GPD2: variants seen among roughly 807,000 people sequenced by gnomAD.
GPD2 encodes glycerol-3-phosphate dehydrogenase, mitochondrial.
GPD2 carries 54 observed loss-of-function variants against 82.4 expected under a neutral mutation model. The observed-to-expected ratio is 0.66, with a 90% CI of 0.53 to 0.82. The LOEUF (loss-of-function observed/expected upper bound fraction) is 0.82, where lower values mean the gene tolerates loss of function less well. GPD2 is among the 40% of genes least tolerant of loss of function. GPD2 has a pLI of 0.00. For synonymous variants in GPD2, 288 were observed against 306.1 expected, an observed-to-expected ratio of 0.94 and a Z score of 0.62; for missense variants, 748 against 896.2, an observed-to-expected ratio of 0.83 and a Z score of 2.11.
chr2:156,522,096 G>A (rs973846889), intron 6 of GPD2, among the ~76,000 whole-genome samples: 4 of 151,934 alleles, frequency 2.6e-5, no homozygotes, highest in African/African-American at 9.7e-5. Flanking sequence ...AGGAAACCTT[G>A]AATAAATAGG....
the GPD2 span, among the ~76,000 whole-genome samples, chr2:156,417,340 AC>A: frequency 6.6e-6 from 1 of 152,190 alleles, no homozygotes; most frequent in Non-Finnish European, 1.5e-5. Flanking sequence ...CTGAAATGTT[AC>A]CAAATTTTAT....
chr2:156,438,673 T>C (rs951167490), intron 1 of GPD2, among the ~76,000 whole-genome samples: 1 of 152,242 alleles, frequency 6.6e-6, no homozygotes, highest in Non-Finnish European at 1.5e-5. Flanking sequence ...CTCATGGGGC[T>C]ATCCTAAGTG....
At chr2:156,540,642 G>T (rs13399570) in intron 6 of GPD2, among the ~76,000 whole-genome samples, 2 of 152,156 alleles carry the variant, frequency 1.3e-5, no homozygotes, top group Non-Finnish European at 2.9e-5. Context: ...TCTGTGGTTT[G>T]TAAGAGAAAA....
intron 2 of GPD2, among the ~76,000 whole-genome samples, chr2:156,493,197 A>T (rs1453466391): frequency 6.6e-6 from 1 of 152,064 alleles, no homozygotes; most frequent in Non-Finnish European, 1.5e-5. Flanking sequence ...AAGAGGCTGG[A>T]GAGAGAGAGA....
intron 6 of GPD2, among the ~76,000 whole-genome samples, chr2:156,514,068 T>G (rs964975619): frequency 7.2e-5 from 11 of 152,332 alleles, no homozygotes; most frequent in Non-Finnish European, 1.0e-4. Flanking sequence ...TTTATTGTTG[T>G]TAGATGTTTT....
At chr2:156,546,478 T>C (rs960007922) in intron 6 of GPD2, among the ~76,000 whole-genome samples, 1 of 152,132 alleles carries the variant, frequency 6.6e-6, no homozygotes, top group African/African-American at 2.4e-5. Context: ...AGGAAGCATA[T>C]ACTGTGAGCA....
At chr2:156,452,046 C>T (rs899985153) in intron 1 of GPD2, among the ~76,000 whole-genome samples, 1 of 151,750 alleles carries the variant, frequency 6.6e-6, no homozygotes, top group Non-Finnish European at 1.5e-5. Context: ...GGCGGCCGGG[C>T]AGAGACGCTC....
At chr2:156,448,709 C>A (rs746220468) in intron 1 of GPD2, among the ~76,000 whole-genome samples, 1 of 152,176 alleles carries the variant, frequency 6.6e-6, no homozygotes, top group Non-Finnish European at 1.5e-5. Flanking sequence ...AATAGTAATC[C>A]TGATTTGACA....
At chr2:156,552,712 A>C (rs1189039758) in intron 8 of GPD2, among the ~76,000 whole-genome samples, 1 of 152,058 alleles carries the variant, frequency 6.6e-6, no homozygotes, top group Non-Finnish European at 1.5e-5. Context: ...TATTTTGTGA[A>C]CCTTAGTTTT....
At chr2:156,509,758 T>C (rs2105267129) in intron 3 of GPD2, among the ~76,000 whole-genome samples, 1 of 132,742 alleles carries the variant, frequency 7.5e-6, no homozygotes. Flanking sequence ...ATCAAGAATA[T>C]GTTCTTCTTT....
intron 6 of GPD2, among the ~76,000 whole-genome samples, chr2:156,525,805 G>T (rs1189795618): frequency 6.6e-6 from 1 of 151,968 alleles, no homozygotes; most frequent in Admixed American, 6.6e-5. Flanking sequence ...TTTAAACTGT[G>T]CTTCTGTTTT....
intron 2 of GPD2, among the ~76,000 whole-genome samples, chr2:156,482,769 A>G (rs1683778571): frequency 6.6e-6 from 1 of 152,156 alleles, no homozygotes; most frequent in Non-Finnish European, 1.5e-5. Context: ...GGCTTAGGAA[A>G]TACTATAGTT....
rs1235106139 is a variant in GPD2, at chr2:156,584,743, G to A, written c.*1825G>A. On this transcript the variant is annotated 3_prime_UTR_variant, in exon 17 of 17. Coordinates refer to ENST00000438166, the MANE Select transcript of GPD2 (RefSeq NM_000408.5). ...GAAGCTTGTGGCTTTACAACTTAGT[G>A]TTTTTTGCTATCCAGATAACAAGTT... The A allele has an allele frequency of 2.0e-5, 3 of 152,298 alleles. No homozygotes were observed. Among genetic ancestry groups the A allele is most frequent in the African/African-American group, 7.2e-5 (3 of 41,380 alleles). 9.4% of individuals were successfully genotyped at this position (152,298 alleles called of 1,614,324 possible).
intron 3 of GPD2, among the ~76,000 whole-genome samples, chr2:156,508,773 C>G (rs1684876702): frequency 6.6e-6 from 1 of 152,162 alleles, no homozygotes; most frequent in Non-Finnish European, 1.5e-5. Context: ...CTGTGTTGGA[C>G]TTACTAAGAA....
chr2:156,556,716 C>T lies in GPD2; in HGVS notation c.972-673C>T, dbSNP rs560417167. Among the ~76,000 whole-genome samples, 12 of 152,228 alleles carry T rather than the reference C, an allele frequency of 7.9e-5. No individual in the cohort carries two copies. In the East Asian group the frequency reaches 1.5e-3, roughly 20 times the overall value. ...GTGTTCCTCTCCTGTTTGACCTTAT[C>T]CTAGGACATTACTATTTAGGGAGTA... On this transcript the variant is annotated intron_variant, in intron 8 of 16. Transcript: ENST00000438166.
At chr2:156,563,445 A>G (rs1347419122) in intron 9 of GPD2, among the ~76,000 whole-genome samples, 1 of 152,162 alleles carries the variant, frequency 6.6e-6, no homozygotes, top group Non-Finnish European at 1.5e-5. Flanking sequence ...ATGTTATACC[A>G]TGGACAGTTA....
At chr2:156,439,849 AAAAT>A (rs59142687) in intron 1 of GPD2, among the ~76,000 whole-genome samples, 16 of 147,544 alleles carry the variant, frequency 1.1e-4, no homozygotes, top group African/African-American at 1.5e-4. Context: ...TCTGTCTCAA[AAAAT>A]AAATAAATAA....
chr2:156,558,942 C>T (rs1369612401), intron 9 of GPD2, among the ~76,000 whole-genome samples: 1 of 151,770 alleles, frequency 6.6e-6, no homozygotes, highest in Non-Finnish European at 1.5e-5. Flanking sequence ...TACAACTTGT[C>T]TTTGCATGTT....
intron 1 of GPD2, among the ~76,000 whole-genome samples, chr2:156,463,397 T>G (rs1210430728): frequency 6.6e-6 from 1 of 152,190 alleles, no homozygotes; most frequent in Non-Finnish European, 1.5e-5. Flanking sequence ...CAGTAAATAA[T>G]TATTAAATAA....
Sources: allele counts gnomAD v4.1 joint callset (sites outside exome capture counted in the v4.1 genomes callset), GRCh38; gene constraint gnomAD v4.1.1; transcripts MANE v1.5; gene names NCBI Gene and HGNC (gene_info 2026-07-23, HGNC 2026-07-21).